The following GCFC2 variants were observed in gnomAD, a reference collection of about 807,000 sequenced individuals.
GCFC2 encodes intron Large complex component GCFC2.
In GCFC2, 102 loss-of-function variants were observed where a neutral mutation model predicts 99.4. The ratio of observed to expected loss-of-function variants is 1.03; its 90% CI spans 0.87 to 1.21. The LOEUF (loss-of-function observed/expected upper bound fraction) is 1.21, where lower values mean the gene tolerates loss of function less well. Among genes scored for constraint, GCFC2 ranks in the 50% most tolerant of loss-of-function variants. The pLI, the probability that GCFC2 is intolerant of heterozygous loss-of-function variation, is 0.00. For synonymous variants in GCFC2, 338 were observed against 316.8 expected, an observed-to-expected ratio of 1.07 and a Z score of -0.71; for missense variants, 973 against 920.9, an observed-to-expected ratio of 1.06 and a Z score of -0.73.
At chr2:75,697,736 C>T (rs912232976) in intron 4 of GCFC2, 2 of 152,112 alleles carry the variant, frequency 1.3e-5, no homozygotes, top group African/African-American at 4.8e-5. Context: ...CCTGGATTAT[C>T]CCGATGGGGT....
intron 3 of GCFC2, 66 bp from the exon 4 acceptor site, chr2:75,701,353 A>AT (rs34939391): frequency 1.2e-6 from 1 of 854,858 alleles, no homozygotes. Context: ...GCAAGCCAAC[A>AT]TTTTTTGAGA....
At position 75,688,126 on chromosome 2, in the gene GCFC2, G is replaced by A. The variant is rs531605901; in HGVS notation, c.1540-149C>T. The A allele has an allele frequency of 1.2e-4, 72 of 583,788 alleles. No individual in the cohort carries two copies. In the South Asian group the frequency reaches 1.6e-3, roughly 13 times the overall value. 36.2% of individuals were successfully genotyped at this position (583,788 alleles called of 1,614,324 possible). A position where few individuals can be genotyped will look rare whatever the true frequency, so the allele number is the denominator to read the frequency against. ...TTTTAACACTAGACCACCAAGGCTA[G>A]GCAGGATTGCAGGACAGCATGACTG... On this transcript the variant is annotated intron_variant, in intron 10 of 16. Transcript: ENST00000321027.
intron 5 of GCFC2, among the ~76,000 whole-genome samples, 180 bp downstream of exon 5, chr2:75,696,020 G>C (rs1680303435): frequency 6.6e-6 from 1 of 152,092 alleles, no homozygotes; most frequent in South Asian, 2.1e-4. Flanking sequence ...TGCAGATATG[G>C]GGGGGACTAG....
upstream of GCFC2, chr2:75,711,374 A>T (rs1185320998): frequency 5.6e-6 from 1 of 177,690 alleles, no homozygotes; most frequent in Non-Finnish European, 1.1e-5. Flanking sequence ...CAATGCATAC[A>T]GACTAGCAAA....
At chr2:75,712,970 A>G (rs1236514084), upstream of GCFC2, among the ~76,000 whole-genome samples, 1 of 152,240 alleles carries the variant, frequency 6.6e-6, no homozygotes, top group Non-Finnish European at 1.5e-5. Flanking sequence ...CCAGATATCC[A>G]GTCATTAAAC....
intron 11 of GCFC2, among the ~76,000 whole-genome samples, chr2:75,686,410 TA>T (rs1325309312): frequency 6.6e-6 from 1 of 152,122 alleles, no homozygotes; most frequent in African/African-American, 2.4e-5. Flanking sequence ...CAAAATCTTA[TA>T]ATCAAGTTGC....
At chr2:75,688,039 G>T in intron 10 of GCFC2, 62 bp from the exon 11 acceptor site, 1 of 1,032,190 alleles carries the variant, frequency 9.7e-7, no homozygotes. Context: ...TTTTTAAATA[G>T]TTATTATTTT....
At chr2:75,693,436 TC>T (rs937513836) in intron 6 of GCFC2, among the ~76,000 whole-genome samples, 11 of 152,024 alleles carry the variant, frequency 7.2e-5, no homozygotes, top group Admixed American at 5.2e-4. Context: ...CGAGACTCTG[TC>T]CCCCTCACTA....
Position 75,663,935 on chromosome 2 carries a change from A to C in GCFC2, c.*731T>G, listed in dbSNP as rs1350350636. On this transcript the variant is annotated 3_prime_UTR_variant, in exon 17 of 17. Coordinates refer to ENST00000321027, the MANE Select transcript of GCFC2 (RefSeq NM_003203.5). ...CTTCTGCCACAAGCATGGGCAAAAAATCAATATCTTTAAAAATATAAAGGT... is the reference window on the plus strand; with the variant it reads ...CTTCTGCCACAAGCATGGGCAAAAACTCAATATCTTTAAAAATATAAAGGT... The C allele has an allele frequency of 6.6e-6, 1 of 152,188 alleles. No individual in the cohort carries two copies. The highest frequency in any genetic ancestry group is 1.5e-5 in the Non-Finnish European group (1 of 68,024). The allele number at this position is 152,188 out of a possible 1,614,324, so 9.4% of individuals were successfully genotyped here. A position where few individuals can be genotyped will look rare whatever the true frequency, so the allele number is the denominator to read the frequency against.
chr2:75,676,738 T>C (rs10193923), intron 12 of GCFC2, among the ~76,000 whole-genome samples: 75,826 of 152,028 alleles, frequency 0.5, 20,463 homozygotes, highest in African/African-American at 0.73. Context: ...TGTGTCTCTC[T>C]CATCTTTTAC....
At chr2:75,706,088 C>T (rs116739842) in intron 2 of GCFC2, among the ~76,000 whole-genome samples, 3,161 of 152,280 alleles carry the variant, frequency 0.021, 43 homozygotes, top group Non-Finnish European at 0.033. Flanking sequence ...AATCTGACTC[C>T]AACTTGTCCT....
chr2:75,695,209 A>G (rs1048439714), intron 5 of GCFC2, among the ~76,000 whole-genome samples: 1 of 152,142 alleles, frequency 6.6e-6, no homozygotes. Flanking sequence ...GAACACATAC[A>G]TGCTTATATG....
At chr2:75,696,136 A>G in intron 5 of GCFC2, 64 bp downstream of exon 5, 1 of 677,670 alleles carries the variant, frequency 1.5e-6, no homozygotes, top group South Asian at 1.8e-5. Flanking sequence ...AAAAGAATAT[A>G]GTGTTATATC....
chr2:75,665,878 T>C (rs376168019), intron 16 of GCFC2, 51 bp downstream of exon 16: 84 of 1,263,088 alleles, frequency 6.7e-5, no homozygotes, highest in Non-Finnish European at 8.7e-5. Context: ...GTTGAGAGCA[T>C]ACAGAATCCA....
At chr2:75,694,952 T>C (rs1486004582) in intron 5 of GCFC2, among the ~76,000 whole-genome samples, 1 of 152,136 alleles carries the variant, frequency 6.6e-6, no homozygotes, top group African/African-American at 2.4e-5. Flanking sequence ...GGTAATTTAC[T>C]TCGTTCTGTA....
chr2:75,675,909 T>C (rs1385841814), intron 12 of GCFC2, among the ~76,000 whole-genome samples: 1 of 152,162 alleles, frequency 6.6e-6, no homozygotes, highest in African/African-American at 2.4e-5. Flanking sequence ...ACTTTCAGAC[T>C]CACATACAAC....
intron 11 of GCFC2, 62 bp downstream of exon 11, chr2:75,687,765 T>C (rs1338248241): frequency 4.6e-6 from 6 of 1,291,014 alleles, no homozygotes; most frequent in Non-Finnish European, 6.5e-6. Context: ...ATAACAGAAA[T>C]TAACAACCTT....
chr2:75,710,620 T>G lies in GCFC2; in HGVS notation c.236A>C (p.Lys79Thr). 1 of 1,515,036 alleles carries G rather than the reference T, an allele frequency of 6.6e-7. No individual in the cohort carries two copies. The highest frequency in any genetic ancestry group is 8.8e-7 in the Non-Finnish European group (1 of 1,138,504). 93.8% of individuals were successfully genotyped at this position (1,515,036 alleles called of 1,614,324 possible). ...GCCTTCGTCCGCGCGGGGAGCCGCT[T>G]TGGTGGCACGCCGGGAGCTCGCCCA... ...RVWASSRRATKAAPRADEGSE... is the reference protein window; with the variant it reads ...RVWASSRRATTAAPRADEGSE... The change falls in exon 1 of 17, where the codon AAA becomes ACA. Residue 79 changes from lysine (K) to threonine (T), a missense_variant. Coordinates refer to ENST00000321027, the MANE Select transcript of GCFC2 (RefSeq NM_003203.5).
chr2:75,687,771 AC>A, intron 11 of GCFC2, 55 bp downstream of exon 11: 2 of 1,334,998 alleles, frequency 1.5e-6, no homozygotes, highest in South Asian at 1.3e-5. Flanking sequence ...GAAATTAACA[AC>A]CTTATATACT....
Sources: gnomAD v4.1 joint callset for allele counts (sites outside exome capture counted in the v4.1 genomes callset) on GRCh38, gnomAD v4.1.1 for gene constraint, MANE v1.5 for transcripts, NCBI Gene and HGNC (gene_info 2026-07-23, HGNC 2026-07-21) for gene names.